Variants in XPA observed in about 807,000 individuals in gnomAD.
XPA encodes XPA, DNA damage recognition and repair factor, also known as DNA repair protein complementing XP-A cells.
In XPA, 27 loss-of-function variants were observed where a neutral mutation model predicts 35.7. That is an observed-to-expected ratio of 0.76 (90% CI 0.56 to 1.04). The LOEUF (loss-of-function observed/expected upper bound fraction) is 1.04, where lower values mean the gene tolerates loss of function less well. Among genes scored for constraint, XPA ranks in the 50% least tolerant of loss-of-function variants. The pLI is 0.00. For synonymous variants in XPA, 133 were observed against 118.4 expected (o/e 1.12, Z -0.80); for missense variants, 354 against 342.7 (o/e 1.03, Z -0.26).
the XPA span, among the ~76,000 whole-genome samples, chr9:97,659,715 GTCCTGTACTGGT>G: frequency 6.6e-6 from 1 of 152,136 alleles, no homozygotes; most frequent in Non-Finnish European, 1.5e-5. Context: ...TTTGAGTTTT[GTCCTGTACTGGT>G]TCCGAGAATG....
the XPA span, chr9:97,664,565 C>CCTACCAGAT: frequency 1.6e-6 from 1 of 631,554 alleles, no homozygotes; most frequent in Non-Finnish European, 2.7e-6. Context: ...ATGGTCCAAT[C>CCTACCAGAT]TGGTAGGATT....
the XPA span, chr9:97,664,380 T>C: frequency 6.2e-7 from 1 of 1,613,094 alleles, no homozygotes; most frequent in Non-Finnish European, 8.5e-7. Flanking sequence ...CGTACACAAA[T>C]AGTTGATTGT....
the XPA span, chr9:97,666,693 A>G: frequency 5.7e-6 from 6 of 1,049,022 alleles, no homozygotes; most frequent in South Asian, 6.6e-5. Context: ...TGAAATTACA[A>G]AAGTTGAAAG....
At chr9:97,656,471 T>C in the XPA span, among the ~76,000 whole-genome samples, 1 of 152,064 alleles carries the variant, frequency 6.6e-6, no homozygotes, top group African/African-American at 2.4e-5. Context: ...CCCAGCTACT[T>C]GGGAGGTTGA....
At chr9:97,656,355 G>C in the XPA span, among the ~76,000 whole-genome samples, 1 of 152,330 alleles carries the variant, frequency 6.6e-6, no homozygotes, top group Admixed American at 6.5e-5. Context: ...GCCAAAGCGG[G>C]TGGATCACAT....
intron 2 of XPA, among the ~76,000 whole-genome samples, chr9:97,690,384 T>TTTTTG (rs1057023613): frequency 1.3e-5 from 2 of 151,724 alleles, no homozygotes; most frequent in Non-Finnish European, 2.9e-5. Flanking sequence ...ATAATTTTTG[T>TTTTTG]TTTTGTTTTG....
intron 5 of XPA, among the ~76,000 whole-genome samples, chr9:97,680,968 T>G (rs1461730952): frequency 3.8e-4 from 58 of 152,244 alleles, no homozygotes; most frequent in Non-Finnish European, 1.5e-5. Context: ...CTGGAAGCTA[T>G]TAACTAAGGA....
intron 5 of XPA, among the ~76,000 whole-genome samples, chr9:97,684,436 C>G (rs1161514070): frequency 6.6e-6 from 1 of 152,172 alleles, no homozygotes; most frequent in Admixed American, 6.5e-5. Context: ...CCCAACTCTG[C>G]CAATAACTAT....
At chr9:97,691,037 A>G (rs1828871732) in intron 2 of XPA, among the ~76,000 whole-genome samples, 1 of 152,238 alleles carries the variant, frequency 6.6e-6, no homozygotes, top group African/African-American at 2.4e-5. Flanking sequence ...TGAAAGTACA[A>G]AAGAGATTAG....
chr9:97,666,009 G>A, the XPA span, among the ~76,000 whole-genome samples: 316 of 152,242 alleles, frequency 2.1e-3, no homozygotes, highest in African/African-American at 6.1e-3. Flanking sequence ...AGGAGGGGTT[G>A]GTCTTATTGA....
At chr9:97,658,826 T>C in the XPA span, 1 of 1,123,920 alleles carries the variant, frequency 8.9e-7, no homozygotes, top group East Asian at 2.4e-5. Context: ...GTGGAGAAAT[T>C]GAACTTTTTC....
intron 4 of XPA, 83 bp from the exon 5 acceptor site, chr9:97,685,123 C>A: frequency 2.7e-6 from 3 of 1,093,288 alleles, no homozygotes; most frequent in Non-Finnish European, 4.1e-6. Context: ...TCCAAAGGTA[C>A]CAAAGAATGA....
chr9:97,669,976 TCA>T (rs1828135074), downstream of XPA: 2 of 471,300 alleles, frequency 4.2e-6, no homozygotes, highest in Admixed American at 6.2e-5. Context: ...AGGCTGGAGT[TCA>T]GTGACACGAT....
intron 1 of XPA, 65 bp downstream of exon 1, chr9:97,697,056 A>C (rs987312128): frequency 6.8e-7 from 1 of 1,476,616 alleles, no homozygotes; most frequent in Non-Finnish European, 9.0e-7. Flanking sequence ...CTCGGCTTGC[A>C]CGAGCCAGTC....
At chr9:97,677,721 A>G (rs962751670) in intron 5 of XPA, among the ~76,000 whole-genome samples, 3 of 151,514 alleles carry the variant, frequency 2.0e-5, no homozygotes, top group African/African-American at 4.9e-5. Context: ...AACATAAGAA[A>G]GTATTTAAAA....
Position 97,685,925 on chromosome 9 carries a change from A to C in XPA, c.556-885T>G, listed in dbSNP as rs538669737. On this transcript the variant is annotated intron_variant, in intron 4 of 5. Transcript: ENST00000375128. ...TTGCATTTTCCCTTTTATGTGTGCA[A>C]AAGTCGTGATATATGACAAACTATA... Among the ~76,000 whole-genome samples the C allele has an allele frequency of 2.6e-5, 4 of 152,326 alleles. No homozygotes were observed. In the South Asian group the frequency reaches 8.3e-4, roughly 32 times the overall value.
the XPA span, chr9:97,664,435 CT>C: frequency 6.3e-7 from 1 of 1,596,924 alleles, no homozygotes; most frequent in Non-Finnish European, 8.6e-7. Context: ...TATCTCGTGA[CT>C]TTACCAGGTA....
At chr9:97,684,882 G>T in intron 5 of XPA, 41 bp downstream of exon 5, 1 of 1,544,724 alleles carries the variant, frequency 6.5e-7, no homozygotes, top group Middle Eastern at 1.8e-4. Flanking sequence ...TTGCAAAATG[G>T]TAAAACACAA....
the XPA span, among the ~76,000 whole-genome samples, chr9:97,660,397 C>A: frequency 6.6e-6 from 1 of 152,102 alleles, no homozygotes; most frequent in Non-Finnish European, 1.5e-5. Flanking sequence ...TACAAGGAGT[C>A]CCATCACGTG....
Sources: gnomAD v4.1 joint callset for allele counts (sites outside exome capture counted in the v4.1 genomes callset) on GRCh38, gnomAD v4.1.1 for gene constraint, MANE v1.5 for transcripts, NCBI Gene and HGNC (gene_info 2026-07-23, HGNC 2026-07-21) for gene names.